NDST4: variants seen among roughly 807,000 people sequenced by gnomAD.
NDST4 encodes N-heparan sulfate sulfotransferase 4.
In NDST4, 63 loss-of-function variants were observed where a neutral mutation model predicts 100.8. The observed-to-expected ratio is 0.62, with a 90% CI of 0.51 to 0.77. NDST4 has a LOEUF of 0.77. NDST4 is among the 30% of genes least tolerant of loss of function. The probability of loss-of-function intolerance (pLI) is 0.00; values close to 1 mark genes in which losing one functional copy is unlikely to be tolerated. For synonymous variants in NDST4, 377 were observed against 361.8 expected (o/e 1.04, Z -0.48); for missense variants, 943 against 1,018.4 (o/e 0.93, Z 1.01).
intron 3 of NDST4, among the ~76,000 whole-genome samples, chr4:114,972,017 A>G (rs1726525552): frequency 8.2e-6 from 1 of 121,672 alleles, no homozygotes; most frequent in African/African-American, 3.9e-5. Flanking sequence ...AGTAGTAAGC[A>G]CTTTTTGAAT....
intron 6 of NDST4, among the ~76,000 whole-genome samples, chr4:114,910,905 C>T (rs1173547381): frequency 6.6e-6 from 1 of 152,148 alleles, no homozygotes; most frequent in Admixed American, 6.5e-5. Flanking sequence ...AAACATATCC[C>T]ATAGTCAATT....
intron 6 of NDST4, among the ~76,000 whole-genome samples, chr4:114,887,359 T>G (rs767372054): frequency 6.2e-4 from 95 of 152,184 alleles, no homozygotes; most frequent in Non-Finnish European, 1.3e-3. Context: ...CCTGTGACTT[T>G]TGAATCTGAA....
At chr4:115,085,105 A>G (rs1011898625) in intron 1 of NDST4, among the ~76,000 whole-genome samples, 1 of 152,228 alleles carries the variant, frequency 6.6e-6, no homozygotes, top group African/African-American at 2.4e-5. Flanking sequence ...CATGACCTGC[A>G]TGTGAGACAT....
intron 2 of NDST4, among the ~76,000 whole-genome samples, chr4:115,071,616 A>C (rs1729079705): frequency 6.6e-6 from 1 of 152,044 alleles, no homozygotes; most frequent in South Asian, 2.1e-4. Context: ...CCTCTTTTAT[A>C]CTATTTCAGA....
intron 4 of NDST4, among the ~76,000 whole-genome samples, chr4:114,964,346 T>A (rs1385740631): frequency 3.9e-5 from 6 of 152,182 alleles, no homozygotes; most frequent in Non-Finnish European, 7.3e-5. Context: ...CTGTGAGAAA[T>A]CCTGAACTGC....
chr4:115,081,407 A>G (rs1370096542), intron 1 of NDST4, among the ~76,000 whole-genome samples: 1 of 152,116 alleles, frequency 6.6e-6, no homozygotes, highest in Non-Finnish European at 1.5e-5. Flanking sequence ...TGGTATTATG[A>G]CATTGTTTAG....
chr4:114,932,695 C>G (rs1351948997), intron 6 of NDST4, among the ~76,000 whole-genome samples: 1 of 151,736 alleles, frequency 6.6e-6, no homozygotes, highest in Non-Finnish European at 1.5e-5. Flanking sequence ...TGTACACTGA[C>G]AAGTTATCTG....
chr4:114,998,150 G>A (rs1206497907), intron 2 of NDST4, among the ~76,000 whole-genome samples: 1 of 152,030 alleles, frequency 6.6e-6, no homozygotes, highest in South Asian at 2.1e-4. Context: ...CTGCTTTCCT[G>A]TCATGCCCTC....
chr4:114,839,956 C>T (rs1054223461), intron 10 of NDST4, among the ~76,000 whole-genome samples: 1 of 152,090 alleles, frequency 6.6e-6, no homozygotes, highest in African/African-American at 2.4e-5. Context: ...GACAAATCAA[C>T]CCTAATGAAA....
chr4:114,973,667 T>G (rs1365813860), intron 3 of NDST4, among the ~76,000 whole-genome samples: 1 of 151,914 alleles, frequency 6.6e-6, no homozygotes, highest in Non-Finnish European at 1.5e-5. Flanking sequence ...CTTCTGAAAT[T>G]TCTTTAAGTC....
chr4:115,035,311 A>G (rs1197281669), intron 2 of NDST4, among the ~76,000 whole-genome samples: 1 of 152,152 alleles, frequency 6.6e-6, no homozygotes, highest in Non-Finnish European at 1.5e-5. Context: ...AAGAAATTGC[A>G]TCAGATAGAA....
At chr4:115,098,875 A>G (rs949014018) in intron 1 of NDST4, among the ~76,000 whole-genome samples, 10 of 151,984 alleles carry the variant, frequency 6.6e-5, no homozygotes, top group African/African-American at 2.4e-4. Context: ...AATTTTTTTT[A>G]TATACATATT....
At chr4:115,102,767 G>A (rs1343962101) in intron 1 of NDST4, among the ~76,000 whole-genome samples, 1 of 137,688 alleles carries the variant, frequency 7.3e-6, no homozygotes, top group Non-Finnish European at 1.5e-5. Context: ...GGAGTTCAAT[G>A]GTGCGGCCTC....
chr4:115,027,621 T>C (rs1728015439), intron 2 of NDST4, among the ~76,000 whole-genome samples: 1 of 152,196 alleles, frequency 6.6e-6, no homozygotes. Flanking sequence ...TTTTGTTTAT[T>C]TCCTTGGAAG....
At chr4:114,904,212 C>G (rs910078268) in intron 6 of NDST4, among the ~76,000 whole-genome samples, 1 of 151,764 alleles carries the variant, frequency 6.6e-6, no homozygotes, top group Non-Finnish European at 1.5e-5. Flanking sequence ...TCACTATTTC[C>G]CACTCAAGCA....
chr4:114,917,894 T>C (rs1725207728), intron 6 of NDST4, among the ~76,000 whole-genome samples: 2 of 152,168 alleles, frequency 1.3e-5, no homozygotes. Flanking sequence ...ATAGAAAGCA[T>C]TTGGAAGATT....
At chr4:114,914,013 A>C (rs1336861844) in intron 6 of NDST4, among the ~76,000 whole-genome samples, 1 of 152,142 alleles carries the variant, frequency 6.6e-6, no homozygotes, top group Non-Finnish European at 1.5e-5. Flanking sequence ...AAATGGAATA[A>C]GATCCTGTCA....
chr4:115,043,943 A>T (rs192181479), intron 2 of NDST4, among the ~76,000 whole-genome samples: 1 of 152,222 alleles, frequency 6.6e-6, no homozygotes, highest in African/African-American at 2.4e-5. Flanking sequence ...GTGACTTTCA[A>T]ATTTCATTAC....
In NDST4 at chr4:114,918,274, C is replaced by G. The variant is rs1323164675; in HGVS notation, c.1536+16932G>C. On this transcript the variant is annotated intron_variant, in intron 6 of 13. Coordinates refer to ENST00000264363, the MANE Select transcript of NDST4 (RefSeq NM_022569.3). The stretch of plus-strand genomic sequence containing the variant: ...GTTAAAACAGAATTGGGCTGCGATG[C>G]TGGGTGAAGGAGCAATCATGTACTG... 2.6e-5 allele frequency among the ~76,000 whole-genome samples: 4 copies of G among 151,370 alleles called. No homozygotes were observed. In the East Asian group the frequency reaches 5.9e-4, roughly 22 times the overall value.
Sources: gnomAD v4.1 joint callset for allele counts (sites outside exome capture counted in the v4.1 genomes callset) on GRCh38, gnomAD v4.1.1 for gene constraint, MANE v1.5 for transcripts, NCBI Gene and HGNC (gene_info 2026-07-23, HGNC 2026-07-21) for gene names.